UQCRH: variants seen among roughly 807,000 people sequenced by gnomAD.
The protein encoded by UQCRH is ubiquinol-cytochrome c reductase hinge protein, also known as cytochrome b-c1 complex subunit 6, mitochondrial.
In UQCRH, 14 loss-of-function variants were observed where a neutral mutation model predicts 16.3. That is an observed-to-expected ratio of 0.86 (90% CI 0.57 to 1.34). The LOEUF is 1.34. Among genes scored for constraint, UQCRH ranks in the 40% most tolerant of loss-of-function variants. The pLI is 0.00. For synonymous variants in UQCRH, 41 were observed against 41.9 expected, an observed-to-expected ratio of 0.98 and a Z score of 0.08; for missense variants, 89 against 111.9, an observed-to-expected ratio of 0.80 and a Z score of 0.92.
chr1:46,315,223 T>A (rs1017040591), intron 3 of UQCRH, among the ~76,000 whole-genome samples: 2 of 152,168 alleles, frequency 1.3e-5, no homozygotes, highest in African/African-American at 2.4e-5. Context: ...GGCACGTGGA[T>A]CACCTGAGGT....
At chr1:46,305,620 G>A (rs1661359309) in intron 1 of UQCRH, among the ~76,000 whole-genome samples, 2 of 151,768 alleles carry the variant, frequency 1.3e-5, no homozygotes, top group Admixed American at 6.6e-5. Flanking sequence ...CGGGCGTGGC[G>A]GCGGGCGCCT....
intron 1 of UQCRH, 72 bp downstream of exon 1, chr1:46,303,892 C>CG: frequency 1.9e-6 from 3 of 1,602,386 alleles, no homozygotes; most frequent in Non-Finnish European, 2.6e-6. Context: ...AAAACACGCA[C>CG]GGGGCCCTCT....
chr1:46,304,346 T>C (rs1471584728), intron 1 of UQCRH, among the ~76,000 whole-genome samples: 1 of 152,168 alleles, frequency 6.6e-6, no homozygotes, highest in Non-Finnish European at 1.5e-5. Context: ...GCTATAATTA[T>C]TGACTGCTTG....
chr1:46,304,801 G>A (rs1455288355), intron 1 of UQCRH, among the ~76,000 whole-genome samples: 2 of 152,168 alleles, frequency 1.3e-5, no homozygotes, highest in East Asian at 3.8e-4. Flanking sequence ...AGGTCATGCA[G>A]CTACCAAATT....
intron 3 of UQCRH, among the ~76,000 whole-genome samples, chr1:46,315,341 G>A (rs561743390): frequency 1.3e-5 from 2 of 152,248 alleles, no homozygotes; most frequent in African/African-American, 4.8e-5. Context: ...CTACTAGGGA[G>A]GCTGAGGCAG....
intron 1 of UQCRH, among the ~76,000 whole-genome samples, chr1:46,305,298 C>CAAAA (rs11444271): frequency 2.8e-4 from 18 of 64,974 alleles, no homozygotes; most frequent in East Asian, 4.5e-4. Context: ...GACCCTGTCT[C>CAAAA]AAAAAAAAAA....
At chr1:46,307,856 A>T (rs187473722) in intron 1 of UQCRH, among the ~76,000 whole-genome samples, 1 of 152,188 alleles carries the variant, frequency 6.6e-6, no homozygotes, top group Admixed American at 6.5e-5. Context: ...ATTCAAGTTC[A>T]CAGTCTAGAA....
intron 2 of UQCRH, chr1:46,309,732 C>A: frequency 2.7e-6 from 1 of 374,896 alleles, no homozygotes; most frequent in Non-Finnish European, 4.2e-6. Context: ...TCTATGTTAG[C>A]ATTGCCTTTC....
At chr1:46,306,883 AT>A (rs770547934) in intron 1 of UQCRH, among the ~76,000 whole-genome samples, 1 of 152,008 alleles carries the variant, frequency 6.6e-6, no homozygotes, top group Non-Finnish European at 1.5e-5. Context: ...AGGATGAAAC[AT>A]GTATTAGGAC....
At chr1:46,307,929 A>T (rs1661404419) in intron 1 of UQCRH, among the ~76,000 whole-genome samples, 1 of 152,262 alleles carries the variant, frequency 6.6e-6, no homozygotes, top group Non-Finnish European at 1.5e-5. Flanking sequence ...TATTTGTAGC[A>T]ATACTGGGAC....
intron 3 of UQCRH, among the ~76,000 whole-genome samples, chr1:46,312,195 A>G (rs1661493316): frequency 6.6e-6 from 1 of 151,870 alleles, no homozygotes; most frequent in Non-Finnish European, 1.5e-5. Context: ...TCCTGGGTTC[A>G]AGCGATTTTC....
chr1:46,306,430 G>A (rs2148332744), intron 1 of UQCRH, among the ~76,000 whole-genome samples: 1 of 148,088 alleles, frequency 6.8e-6, no homozygotes, highest in East Asian at 2.0e-4. Context: ...CCTGGCTGGA[G>A]TACAGTGGCG....
chr1:46,311,832 G>A (rs1171509074), intron 3 of UQCRH, among the ~76,000 whole-genome samples: 1 of 151,240 alleles, frequency 6.6e-6, no homozygotes, highest in Non-Finnish European at 1.5e-5. Context: ...GTTTCACTGT[G>A]TTAGCCAAGA....
intron 3 of UQCRH, among the ~76,000 whole-genome samples, chr1:46,312,866 C>T (rs138532026): frequency 1.1e-3 from 167 of 152,182 alleles, no homozygotes; most frequent in African/African-American, 3.5e-3. Flanking sequence ...TGTTCAACAT[C>T]ATTAGCCACC....
intron 1 of UQCRH, among the ~76,000 whole-genome samples, chr1:46,307,192 G>A (rs541834283): frequency 2.0e-5 from 3 of 152,060 alleles, no homozygotes; most frequent in Non-Finnish European, 2.9e-5. Context: ...TTTCAGGCGC[G>A]TGCCACCATG....
chr1:46,312,145 G>T (rs974091210), intron 3 of UQCRH, among the ~76,000 whole-genome samples: 1 of 151,636 alleles, frequency 6.6e-6, no homozygotes, highest in African/African-American at 2.4e-5. Flanking sequence ...ACCCAGGCTG[G>T]AGTGCAGTGG....
intron 1 of UQCRH, among the ~76,000 whole-genome samples, chr1:46,304,875 G>C (rs1294433082): frequency 6.6e-6 from 1 of 152,160 alleles, no homozygotes; most frequent in Non-Finnish European, 1.5e-5. Flanking sequence ...TCAATTTTGC[G>C]ACACAGCTAC....
At chr1:46,306,939 G>T (rs1234242497) in intron 1 of UQCRH, among the ~76,000 whole-genome samples, 1 of 152,154 alleles carries the variant, frequency 6.6e-6, no homozygotes, top group South Asian at 2.1e-4. Context: ...AGACTGGGGT[G>T]CAGTGGTACA....
At position 46,310,271 on chromosome 1, in the gene UQCRH, T is replaced by C. The variant is rs554426072; in HGVS notation, c.198T>C (p.Asp66=). ...CCTCTCGATCACATACAGAAGAGGA[T>C]TGCACGGAGGAGCTCTTTGACTTCT... is the stretch of plus-strand genomic sequence containing the variant. The part of the protein sequence containing the change: ...RVSSRSHTEE[D]CTEELFDFLH... Residue 66 remains aspartate, a synonymous_variant, in exon 3 of 4, where the codon GAT becomes GAC. Coordinates refer to ENST00000311672, the MANE Select transcript of UQCRH (RefSeq NM_006004.4). The C allele has an allele frequency of 8.1e-6, 13 of 1,614,026 alleles. No individual in the cohort carries two copies. Among genetic ancestry groups the C allele is most frequent in the Non-Finnish European group, 1.1e-5 (13 of 1,180,038 alleles).
Sources: gnomAD v4.1 joint callset for allele counts (sites outside exome capture counted in the v4.1 genomes callset) on GRCh38, gnomAD v4.1.1 for gene constraint, MANE v1.5 for transcripts, NCBI Gene and HGNC (gene_info 2026-07-23, HGNC 2026-07-21) for gene names.